FYN: variants seen among roughly 807,000 people sequenced by gnomAD.
FYN encodes the protein tyrosine-protein kinase Fyn.
Under a neutral mutation model 70.2 loss-of-function variants are expected in FYN, and 10 were observed. The ratio of observed to expected loss-of-function variants is 0.14; its 90% confidence interval spans 0.09 to 0.24. The LOEUF is 0.24. FYN is among the 10% of genes least tolerant of loss of function. The probability of loss-of-function intolerance (pLI) is 1.00; values close to 1 mark genes in which losing one functional copy is unlikely to be tolerated. For missense variants in FYN, 319 were observed against 673.1 expected (o/e 0.47, Z 5.82); for synonymous variants, 236 against 248.6 (o/e 0.95, Z 0.48).
intron 2 of FYN, among the ~76,000 whole-genome samples, chr6:111,839,857 A>G (rs1029114718): frequency 1.3e-5 from 2 of 152,136 alleles, no homozygotes; most frequent in Middle Eastern, 3.2e-3. Context: ...GGCTAGTGTA[A>G]TAAGTGCTTG....
chr6:111,851,661 C>T (rs907975170), intron 1 of FYN, among the ~76,000 whole-genome samples: 1 of 152,172 alleles, frequency 6.6e-6, no homozygotes, highest in African/African-American at 2.4e-5. Flanking sequence ...AAACCAAGTT[C>T]CATCCCTAGC....
At chr6:111,828,477 T>A (rs1446655111) in intron 2 of FYN, among the ~76,000 whole-genome samples, 1 of 152,186 alleles carries the variant, frequency 6.6e-6, no homozygotes, top group Non-Finnish European at 1.5e-5. Context: ...AGCAACACTA[T>A]TCACAATAGC....
intron 12 of FYN, among the ~76,000 whole-genome samples, chr6:111,691,588 A>G (rs1799319832): frequency 3.9e-5 from 6 of 152,176 alleles, no homozygotes; most frequent in Admixed American, 3.9e-4. Context: ...GACACACACC[A>G]GGCCCTTTCT....
In FYN at chr6:111,673,622, G is replaced by GTTTTTTTTTTTTTTTTTTTT. The variant is rs71021858; in HGVS notation, c.1405+876_1405+877insAAAAAAAAAAAAAAAAAAAA. Among the ~76,000 whole-genome samples the GTTTTTTTTTTTTTTTTTTTT allele has an allele frequency of 1.3e-3, 153 of 116,560 alleles. 6 individuals are homozygous for GTTTTTTTTTTTTTTTTTTTT. Among genetic ancestry groups the GTTTTTTTTTTTTTTTTTTTT allele is most frequent in the Non-Finnish European group, 1.7e-3 (98 of 58,462 alleles). The allele number at this position is 116,560 out of a possible 152,430, so 76.5% of individuals were successfully genotyped here. A position where few individuals can be genotyped will look rare whatever the true frequency, so the allele number is the denominator to read the frequency against. ...AATCGTCACTATCGTTTCTATCATT[G>GTTTTTTTTTTTTTTTTTTTT]TTTTTTTTTTTTTTTTTTTCTTTAA... On this transcript the variant is annotated intron_variant, in intron 13 of 13. Transcript: ENST00000354650.
At chr6:111,771,792 G>A (rs867092806) in intron 3 of FYN, among the ~76,000 whole-genome samples, 1 of 152,182 alleles carries the variant, frequency 6.6e-6, no homozygotes, top group Non-Finnish European at 1.5e-5. Context: ...GGCATGGCTC[G>A]TCTGAGGTCC....
At chr6:111,775,001 G>A (rs1454065598) in intron 3 of FYN, among the ~76,000 whole-genome samples, 1 of 152,188 alleles carries the variant, frequency 6.6e-6, no homozygotes, top group Non-Finnish European at 1.5e-5. Flanking sequence ...TTACAGGTAT[G>A]CGCCACTGCA....
At position 111,720,288 on chromosome 6, in the gene FYN, G is replaced by A. The variant is rs188911229; in HGVS notation, c.-11-226C>T. ...ATGTTCTGGATGACAGCATCATCAC[G>A]GAGCACAATGTTCACCATGCAGCAA... On this transcript the variant is annotated intron_variant, in intron 3 of 13. Coordinates refer to ENST00000354650, the MANE Select transcript of FYN (RefSeq NM_002037.5). Among the ~76,000 whole-genome samples, 11 of 152,180 alleles carry A rather than the reference G, an allele frequency of 7.2e-5. No homozygotes were observed. In the East Asian group the frequency reaches 9.7e-4, roughly 13 times the overall value.
At chr6:111,822,352 C>T (rs1262168874) in intron 2 of FYN, among the ~76,000 whole-genome samples, 1 of 152,092 alleles carries the variant, frequency 6.6e-6, no homozygotes, top group Non-Finnish European at 1.5e-5. Context: ...AAGCTGGAAA[C>T]CATCATTCTC....
At chr6:111,782,355 A>G (rs1396443051) in intron 2 of FYN, among the ~76,000 whole-genome samples, 3 of 152,162 alleles carry the variant, frequency 2.0e-5, no homozygotes, top group African/African-American at 7.2e-5. Flanking sequence ...TGCTGAGTCC[A>G]TCCACGGGTA....
chr6:111,841,054 G>A (rs1773343889), intron 2 of FYN, among the ~76,000 whole-genome samples: 2 of 152,180 alleles, frequency 1.3e-5, no homozygotes, highest in Non-Finnish European at 2.9e-5. Flanking sequence ...TCCAGCTTTT[G>A]TCATAGGGAA....
Position 111,661,542 on chromosome 6 carries a change from A to C in FYN, c.*197T>G. The C allele has an allele frequency of 1.7e-6, 1 of 576,692 alleles. No individual in the cohort carries two copies. The allele number at this position is 576,692 out of a possible 1,614,324, so 35.7% of individuals were successfully genotyped here. A position where few individuals can be genotyped will look rare whatever the true frequency, so the allele number is the denominator to read the frequency against. On this transcript the variant is annotated 3_prime_UTR_variant, in exon 14 of 14. Transcript: ENST00000354650. This position sits in a 1 kb window ranked among gnomAD's most constrained non-coding sequence, Gnocchi z 4.0. ...TGAGAAATAACAAGGTTCTGTCTCG[A>C]ATGCTTCACAGAGGAGGTTCGGATT...
At chr6:111,808,609 T>C (rs1318298336) in intron 2 of FYN, among the ~76,000 whole-genome samples, 1 of 152,194 alleles carries the variant, frequency 6.6e-6, no homozygotes, top group Admixed American at 6.5e-5. Context: ...ACGTTGTACA[T>C]AGAAGTCAAT....
At chr6:111,822,941 T>C (rs1772718775) in intron 2 of FYN, among the ~76,000 whole-genome samples, 1 of 151,812 alleles carries the variant, frequency 6.6e-6, no homozygotes, top group Non-Finnish European at 1.5e-5. Context: ...GCTGCTACAG[T>C]GGAACAGCAG....
intron 6 of FYN, among the ~76,000 whole-genome samples, chr6:111,706,726 C>A (rs1193986407): frequency 6.6e-6 from 1 of 151,970 alleles, no homozygotes; most frequent in Non-Finnish European, 1.5e-5. Context: ...AAAAGTTGAC[C>A]ATTATAAAAA....
At chr6:111,745,137 T>C (rs1802149490) in intron 3 of FYN, among the ~76,000 whole-genome samples, 3 of 152,176 alleles carry the variant, frequency 2.0e-5, no homozygotes, top group South Asian at 2.1e-4. Context: ...AATGAATCTA[T>C]CCATCCATCC....
intron 2 of FYN, among the ~76,000 whole-genome samples, chr6:111,813,304 G>A (rs559765796): frequency 6.6e-6 from 1 of 152,270 alleles, no homozygotes; most frequent in Admixed American, 6.5e-5. Context: ...AGCAATTTAA[G>A]AAAGATATAC....
At chr6:111,674,142 T>C (rs138541973) in intron 13 of FYN, among the ~76,000 whole-genome samples, 116 of 152,294 alleles carry the variant, frequency 7.6e-4, no homozygotes, top group African/African-American at 2.7e-3. Context: ...TTCCCAGACA[T>C]GTCTGCAAAC....
chr6:111,872,979 T>G lies in FYN; in HGVS notation c.-134A>C, dbSNP rs1364313777. The G allele has an allele frequency of 2.7e-5, 4 of 148,670 alleles. No individual in the cohort carries two copies. The highest frequency in any genetic ancestry group is 9.9e-5 in the African/African-American group (4 of 40,568). The allele number at this position is 148,670 out of a possible 1,614,324, so 9.2% of individuals were successfully genotyped here. On this transcript the variant is annotated 5_prime_UTR_variant, in exon 1 of 14. Coordinates refer to ENST00000354650, the MANE Select transcript of FYN (RefSeq NM_002037.5). ...CGCCGCCTGCTTACCTGCGCGGCGC[T>G]GAGGCTCCGGAGCCCACTCACATGG...
At chr6:111,779,722 G>GT (rs1771099507) in intron 3 of FYN, among the ~76,000 whole-genome samples, 3 of 152,286 alleles carry the variant, frequency 2.0e-5, no homozygotes, top group African/African-American at 7.2e-5. Context: ...TCAAATGGAT[G>GT]TAACCGGCCC....
Sources: gnomAD v4.1 joint callset for allele counts (sites outside exome capture counted in the v4.1 genomes callset) on GRCh38, gnomAD v4.1.1 for gene constraint, Gnocchi (gnomAD v3.1) non-coding constraint, MANE v1.5 for transcripts, NCBI Gene and HGNC (gene_info 2026-07-23, HGNC 2026-07-21) for gene names.